The following PCCA variants were observed in gnomAD, a reference collection of about 807,000 sequenced individuals.
The protein encoded by PCCA is propionyl-CoA carboxylase subunit alpha, also known as propionyl-CoA carboxylase alpha chain, mitochondrial.
In PCCA, 74 loss-of-function variants were observed where a neutral mutation model predicts 101.3. That is an observed-to-expected ratio of 0.73 (90% CI 0.61 to 0.89). PCCA has a LOEUF of 0.89. Ranked by LOEUF, PCCA falls within the 40% of genes least tolerant of loss-of-function variation. PCCA has a pLI of 0.00. For missense variants in PCCA, 891 were observed against 907.0 expected, an observed-to-expected ratio of 0.98 and a Z score of 0.23; for synonymous variants, 294 against 313.6, an observed-to-expected ratio of 0.94 and a Z score of 0.66.
At chr13:100,511,161 A>G (rs1261512000) in intron 21 of PCCA, among the ~76,000 whole-genome samples, 1 of 152,252 alleles carries the variant, frequency 6.6e-6, no homozygotes, top group African/African-American at 2.4e-5. Context: ...TTCAAGTCTC[A>G]TTCCACTGAA....
rs183272949 is a variant in PCCA, at chr13:100,273,826, C to T, written c.1065+480C>T. On this transcript the variant is annotated intron_variant, in intron 12 of 23. Transcript: ENST00000376285. ...GAGGACGTTGAGAATCAAGTGGCTG[C>T]CCTTGGAACTGTTGGCTTTGGGGGA... Among the ~76,000 whole-genome samples, 5 of 152,266 alleles carry T rather than the reference C, an allele frequency of 3.3e-5. No individual in the cohort carries two copies. The East Asian group carries it at 9.7e-4, about 29-fold the overall frequency.
intron 21 of PCCA, chr13:100,490,167 A>G (rs1289692353): frequency 1.3e-5 from 2 of 152,256 alleles, no homozygotes; most frequent in Non-Finnish European, 2.9e-5. Flanking sequence ...AGAGACGGCA[A>G]TAATGAAGCC....
intron 19 of PCCA, among the ~76,000 whole-genome samples, chr13:100,377,485 TTTTTATTTTA>T (rs1052808165): frequency 6.6e-6 from 1 of 152,010 alleles, no homozygotes; most frequent in African/African-American, 2.4e-5. Flanking sequence ...AGCCTCCATC[TTTTTATTTTA>T]TTTTATTTTA....
chr13:100,287,660 T>G (rs966517955), intron 12 of PCCA, among the ~76,000 whole-genome samples: 6 of 152,274 alleles, frequency 3.9e-5, no homozygotes, highest in Non-Finnish European at 8.8e-5. Flanking sequence ...TAGTTCTATG[T>G]GATTGTAGCA....
At position 100,469,766 on chromosome 13, in the gene PCCA, T is replaced by G. The variant is rs187828028; in HGVS notation, c.1899+20461T>G. On this transcript the variant is annotated intron_variant, in intron 21 of 23. Transcript: ENST00000376285. ...CTGCACTCCAGCCTGGGCGACAGAG[T>G]TAGGCTCTGTCTCAAAAAAAAACAA... Among the ~76,000 whole-genome samples the G allele has an allele frequency of 2.1e-3, 314 of 150,928 alleles. 4 individuals carry two copies. Among genetic ancestry groups the G allele is most frequent in the African/African-American group, 7.5e-3 (305 of 40,568 alleles).
intron 22 of PCCA, among the ~76,000 whole-genome samples, chr13:100,519,032 G>A (rs1296751208): frequency 6.6e-6 from 1 of 152,182 alleles, no homozygotes; most frequent in Non-Finnish European, 1.5e-5. Context: ...GTCATGATGA[G>A]CACATTCGCT....
intron 6 of PCCA, among the ~76,000 whole-genome samples, chr13:100,166,845 G>A (rs1357565108): frequency 6.6e-6 from 1 of 152,074 alleles, no homozygotes; most frequent in Non-Finnish European, 1.5e-5. Flanking sequence ...AAACTCGTTG[G>A]TACAATTTTA....
At chr13:100,309,120 C>T (rs772116216) in intron 15 of PCCA, among the ~76,000 whole-genome samples, 5 of 152,124 alleles carry the variant, frequency 3.3e-5, no homozygotes, top group Non-Finnish European at 5.9e-5. Context: ...AAGGGCTGGA[C>T]GCAGTGGCTC....
intron 18 of PCCA, among the ~76,000 whole-genome samples, chr13:100,367,285 C>T (rs915265742): frequency 4.6e-5 from 7 of 151,844 alleles, no homozygotes; most frequent in Admixed American, 1.3e-4. Context: ...AGAAAAGACC[C>T]GTATGATAAG....
At chr13:100,250,935 T>C (rs2061710390) in intron 8 of PCCA, among the ~76,000 whole-genome samples, 1 of 152,200 alleles carries the variant, frequency 6.6e-6, no homozygotes, top group Admixed American at 6.5e-5. Flanking sequence ...TCTATTTCAT[T>C]ATACGTCTAT....
At chr13:100,422,063 T>C (rs576920685) in intron 19 of PCCA, among the ~76,000 whole-genome samples, 1 of 34,792 alleles carries the variant, frequency 2.9e-5, no homozygotes, top group Admixed American at 3.0e-4. Flanking sequence ...TTTTCTCTTC[T>C]CTTTTCTTTT....
At chr13:100,470,257 G>GT (rs55769546) in intron 21 of PCCA, among the ~76,000 whole-genome samples, 32,256 of 152,042 alleles carry the variant, frequency 0.21, 4,648 homozygotes, top group East Asian at 0.53. Context: ...TGTGTTTTGG[G>GT]TTTTTTTGGG....
In PCCA at chr13:100,111,887, G is replaced by A. The variant is rs1387778734; in HGVS notation, c.230G>A (p.Arg77Gln). 5.6e-6 allele frequency: 9 copies of A among 1,609,798 alleles called. No individual in the cohort carries two copies. The highest frequency in any genetic ancestry group is 1.7e-4 in the Middle Eastern group (1 of 5,830). ...GCTAATAGAGGAGAAATTGCATGTC[G>A]GGTGAGTAGAATTTTCGTCTTATTT... ...LVANRGEIACRVIRTCKKMGI... is the reference protein window; with the variant it reads ...LVANRGEIACQVIRTCKKMGI... The change falls in exon 3 of 24, where the codon CGG becomes CAG. Residue 77 changes from arginine (R) to glutamine (Q), a missense_variant and splice_region_variant. By Grantham distance (43) the Arg-to-Gln change is conservative. Transcript: ENST00000376285.
intron 21 of PCCA, among the ~76,000 whole-genome samples, chr13:100,473,792 T>G (rs2083206954): frequency 6.6e-6 from 1 of 152,252 alleles, no homozygotes; most frequent in African/African-American, 2.4e-5. Context: ...TTATCATCAT[T>G]GTCTATCTTT....
rs1372756069 is a variant in PCCA at position 100,414,094 on chromosome 13, C to T, written c.1747-11539C>T. On this transcript the variant is annotated intron_variant, in intron 19 of 23. Coordinates refer to ENST00000376285, the MANE Select transcript of PCCA (RefSeq NM_000282.4). ...GACCAATACCTAAAATTTGTTTTTG[C>T]AATTCACATCCTTTGAGATATATTT... 2.0e-5 allele frequency among the ~76,000 whole-genome samples: 3 copies of T among 152,184 alleles called. No homozygotes were observed. The East Asian group carries it at 5.8e-4, about 29-fold the overall frequency.
At position 100,171,326 on chromosome 13, in the gene PCCA, A is replaced by G. The variant is rs528944752; in HGVS notation, c.468+13986A>G. Reference sequence around the variant, plus strand: ...AGCTCCTTGAGATTGTCAATATTTAAAACTGTAAAGCCCAGAAAATTTGAT... The same window carrying G: ...AGCTCCTTGAGATTGTCAATATTTAGAACTGTAAAGCCCAGAAAATTTGAT... On this transcript the variant is annotated intron_variant, in intron 6 of 23. Coordinates refer to ENST00000376285, the MANE Select transcript of PCCA (RefSeq NM_000282.4). Among the ~76,000 whole-genome samples the G allele has an allele frequency of 9.2e-5, 14 of 152,338 alleles. 2 individuals are homozygous for G. In the East Asian group the frequency reaches 9.6e-4, roughly 10 times the overall value.
chr13:100,370,558 T>C (rs1722683714), intron 19 of PCCA, among the ~76,000 whole-genome samples: 1 of 152,154 alleles, frequency 6.6e-6, no homozygotes, highest in Non-Finnish European at 1.5e-5. Context: ...CTGGAAAATA[T>C]CCACCTTAGT....
Position 100,089,186 on chromosome 13 carries a change from G to T in PCCA, c.66G>T (p.Pro22=), listed in dbSNP as rs760798946. 23 of 1,528,278 alleles carry T rather than the reference G, an allele frequency of 1.5e-5. No individual in the cohort carries two copies. Among genetic ancestry groups the T allele is most frequent in the Non-Finnish European group, 2.0e-5 (23 of 1,139,614 alleles). The allele number at this position is 1,528,278 out of a possible 1,614,324, so 94.7% of individuals were successfully genotyped here. The change falls in exon 1 of 24, where the codon CCG becomes CCT. Residue 22 remains proline (P), a synonymous_variant. Transcript: ENST00000376285. Reference sequence around the variant, plus strand: ...CCGGACGGCGTGGGCGGTGGCCGCCGCAGCAGCTGATGCTGAGCGCGGCGC... The same window carrying T: ...CCGGACGGCGTGGGCGGTGGCCGCCTCAGCAGCTGATGCTGAGCGCGGCGC... ...VAAGRRGRWP[P]QQLMLSAALR...
intron 4 of PCCA, among the ~76,000 whole-genome samples, chr13:100,144,233 C>T (rs2052260804): frequency 6.6e-6 from 1 of 152,134 alleles, no homozygotes; most frequent in Non-Finnish European, 1.5e-5. Context: ...ATTTGTAATA[C>T]TCATCTGATA....
Sources: gnomAD v4.1 joint callset for allele counts (sites outside exome capture counted in the v4.1 genomes callset) on GRCh38, gnomAD v4.1.1 for gene constraint, MANE v1.5 for transcripts, NCBI Gene and HGNC (gene_info 2026-07-23, HGNC 2026-07-21) for gene names.